Variants in EVC2 observed in about 807,000 individuals in gnomAD.
EVC2 encodes EvC ciliary complex subunit 2, also known as limbin.
Under a neutral mutation model 149.3 loss-of-function variants are expected in EVC2, and 148 were observed. The observed-to-expected ratio is 0.99, with a 90% CI of 0.87 to 1.14. The LOEUF is 1.14. Among genes scored for constraint, EVC2 ranks in the 50% most tolerant of loss-of-function variants. The probability of loss-of-function intolerance (pLI) is 0.00; values close to 1 mark genes in which losing one functional copy is unlikely to be tolerated. For missense variants in EVC2, 1,854 were observed against 1,627.3 expected (o/e 1.14, Z -2.40); for synonymous variants, 776 against 649.9 (o/e 1.19, Z -2.95).
intron 19 of EVC2, among the ~76,000 whole-genome samples, chr4:5,573,765 G>C (rs946655515): frequency 6.6e-6 from 1 of 152,146 alleles, no homozygotes; most frequent in Non-Finnish European, 1.5e-5. Context: ...CCAGCTGGAC[G>C]CCTAAAAGCG....
intron 9 of EVC2, among the ~76,000 whole-genome samples, chr4:5,653,270 T>C (rs993053153): frequency 1.3e-5 from 2 of 152,188 alleles, no homozygotes; most frequent in Admixed American, 6.5e-5. Flanking sequence ...GACTTCAACA[T>C]AGCTTTGTGA....
chr4:5,582,249 C>T (rs1711861560), intron 17 of EVC2, among the ~76,000 whole-genome samples: 1 of 152,258 alleles, frequency 6.6e-6, no homozygotes, highest in African/African-American at 2.4e-5. Flanking sequence ...AGGCACTCAA[C>T]ACCAGCCCTT....
At chr4:5,626,598 T>G (rs928647020) in intron 12 of EVC2, among the ~76,000 whole-genome samples, 1 of 152,114 alleles carries the variant, frequency 6.6e-6, no homozygotes, top group Non-Finnish European at 1.5e-5. Flanking sequence ...CCTTCCAAAG[T>G]GCTGGGATTA....
chr4:5,538,183 G>T (rs1026158819), downstream of EVC2, among the ~76,000 whole-genome samples: 4 of 151,696 alleles, frequency 2.6e-5, no homozygotes, highest in East Asian at 1.9e-4. Context: ...GAAATTAAAA[G>T]AATAATAAAA....
chr4:5,662,403 TAAATAAAA>T (rs1718938251), intron 9 of EVC2, among the ~76,000 whole-genome samples: 1 of 143,682 alleles, frequency 7.0e-6, no homozygotes, highest in African/African-American at 2.6e-5. Context: ...AAGTTAAAAA[TAAATAAAA>T]AAATTGTTAT....
chr4:5,653,187 C>T (rs1319501568), intron 9 of EVC2, among the ~76,000 whole-genome samples: 1 of 152,180 alleles, frequency 6.6e-6, no homozygotes, highest in African/African-American at 2.4e-5. Context: ...CCCTAATAGC[C>T]TCACCTTAGT....
intron 10 of EVC2, among the ~76,000 whole-genome samples, chr4:5,639,362 T>C (rs1182118768): frequency 2.0e-5 from 3 of 152,238 alleles, no homozygotes; most frequent in African/African-American, 7.2e-5. Context: ...TGATTTGGTA[T>C]ATTCAGGAAA....
chr4:5,650,652 G>GAA (rs1718064739), intron 9 of EVC2, among the ~76,000 whole-genome samples: 1 of 138,308 alleles, frequency 7.2e-6, no homozygotes, highest in African/African-American at 2.6e-5. Flanking sequence ...GAGAGAGAGA[G>GAA]AGAGAGAGAG....
the EVC2 span, among the ~76,000 whole-genome samples, chr4:5,530,221 G>C: frequency 6.6e-6 from 1 of 152,152 alleles, no homozygotes; most frequent in Non-Finnish European, 1.5e-5. Flanking sequence ...TGGATGCCAG[G>C]CTTCCAAAAT....
the EVC2 span, among the ~76,000 whole-genome samples, chr4:5,532,753 A>G: frequency 6.6e-6 from 1 of 152,040 alleles, no homozygotes; most frequent in Non-Finnish European, 1.5e-5. Context: ...CGTCAAGCAC[A>G]GCCCTCGAGA....
chr4:5,708,605 C>CA, upstream of EVC2: 1 of 937,348 alleles, frequency 1.1e-6, no homozygotes, highest in Non-Finnish European at 1.4e-6. Context: ...CGAGCATGCT[C>CA]AGTGCGAGCC....
chr4:5,671,737 C>G (rs956859720), intron 7 of EVC2, among the ~76,000 whole-genome samples: 1 of 152,196 alleles, frequency 6.6e-6, no homozygotes, highest in East Asian at 1.9e-4. Context: ...GTCTTAAACT[C>G]CTGACCTCGT....
intron 16 of EVC2, among the ~76,000 whole-genome samples, chr4:5,602,037 G>A (rs1389494153): frequency 1.3e-5 from 2 of 152,176 alleles, no homozygotes. Context: ...CACTTTGGGA[G>A]GGCAAGGCAG....
intron 17 of EVC2, among the ~76,000 whole-genome samples, chr4:5,580,464 T>G (rs1382170475): frequency 6.6e-6 from 1 of 152,240 alleles, no homozygotes; most frequent in Non-Finnish European, 1.5e-5. Context: ...ATTATTATAC[T>G]AATAGAAATC....
chr4:5,547,910 C>G (rs1247428259), intron 21 of EVC2, among the ~76,000 whole-genome samples: 2 of 152,200 alleles, frequency 1.3e-5, no homozygotes, highest in Non-Finnish European at 1.5e-5. Flanking sequence ...CTCTTTGGGG[C>G]CCAGTGGTTC....
intron 16 of EVC2, among the ~76,000 whole-genome samples, chr4:5,606,922 C>T (rs1322103705): frequency 6.6e-6 from 1 of 152,210 alleles, no homozygotes. Flanking sequence ...CAAGGTCACA[C>T]AGCTAGAACA....
intron 16 of EVC2, among the ~76,000 whole-genome samples, 164 bp downstream of exon 16, chr4:5,615,258 A>T (rs1715154796): frequency 6.6e-6 from 1 of 152,048 alleles, no homozygotes. Context: ...GCCCAGGGGG[A>T]GGGTCTTCCA....
intron 12 of EVC2, among the ~76,000 whole-genome samples, chr4:5,626,498 A>G (rs10804963): frequency 0.21 from 32,258 of 151,746 alleles, 4,506 homozygotes; most frequent in East Asian, 0.61. Flanking sequence ...CACGCCAGCT[A>G]ATTTTTTTTG....
chr4:5,623,047 T>TGA, intron 13 of EVC2, 56 bp from the exon 14 acceptor site: 1 of 1,542,596 alleles, frequency 6.5e-7, no homozygotes. Flanking sequence ...GTACAGTCCT[T>TGA]TGGCTGAAAC....
Sources: allele counts gnomAD v4.1 joint callset (sites outside exome capture counted in the v4.1 genomes callset), GRCh38; gene constraint gnomAD v4.1.1; transcripts MANE v1.5; gene names NCBI Gene and HGNC (gene_info 2026-07-23, HGNC 2026-07-21).